CELF2: variants seen among roughly 807,000 people sequenced by gnomAD.
CELF2 encodes the protein CUG triplet repeat RNA-binding protein 2.
CELF2 carries 8 observed loss-of-function variants against 62.6 expected under a neutral mutation model. The ratio of observed to expected loss-of-function variants is 0.13; its 90% confidence interval spans 0.07 to 0.23. The LOEUF (loss-of-function observed/expected upper bound fraction) is 0.23, where lower values mean the gene tolerates loss of function less well. Among genes scored for constraint, CELF2 ranks in the 10% least tolerant of loss-of-function variants. The pLI is 1.00. For synonymous variants in CELF2, 258 were observed against 250.0 expected (o/e 1.03, Z -0.30); for missense variants, 333 against 671.0 (o/e 0.50, Z 5.56).
rs1490074472 is a variant in CELF2 at position 10,947,174 on chromosome 10, A to T, written c.89+27175A>T. On this transcript the variant is annotated intron_variant, in intron 2 of 13. Transcript: ENST00000636488. This position sits in a 1 kb window ranked among gnomAD's most constrained non-coding sequence, Gnocchi z 4.1. ...GAAACCTTCCAATCGTTAGAAGTGC[A>T]CAGGCTCGCTTTCAAACACAAAAGC... The T allele has an allele frequency of 6.6e-6, 1 of 152,274 alleles. No individual in the cohort carries two copies. The highest frequency in any genetic ancestry group is 2.4e-5 in the African/African-American group (1 of 41,464). 9.4% of individuals were successfully genotyped at this position (152,274 alleles called of 1,614,324 possible). A position where few individuals can be genotyped will look rare whatever the true frequency, so the allele number is the denominator to read the frequency against.
the CELF2 span, among the ~76,000 whole-genome samples, chr10:10,595,568 C>A: frequency 6.6e-6 from 1 of 152,124 alleles, no homozygotes; most frequent in Non-Finnish European, 1.5e-5. Flanking sequence ...TGTGCCATGT[C>A]GGTTTACTAC....
the CELF2 span, among the ~76,000 whole-genome samples, chr10:10,592,505 T>G: frequency 3.9e-5 from 6 of 152,176 alleles, no homozygotes; most frequent in Non-Finnish European, 5.9e-5. Context: ...CCCAAAATGT[T>G]AAAGTCTCTG....
chr10:10,781,685 C>A, the CELF2 span, among the ~76,000 whole-genome samples: 3 of 152,194 alleles, frequency 2.0e-5, no homozygotes, highest in Non-Finnish European at 2.9e-5. Flanking sequence ...GGTGGGGACA[C>A]AACCAAATCA....
the CELF2 span, among the ~76,000 whole-genome samples, chr10:10,705,197 A>G: frequency 6.6e-6 from 1 of 152,162 alleles, no homozygotes; most frequent in Non-Finnish European, 1.5e-5. Flanking sequence ...AAAAGAAAAA[A>G]TAAGGAATTT....
intron 1 of CELF2, among the ~76,000 whole-genome samples, chr10:11,142,383 A>G (rs567367039): frequency 5.9e-5 from 9 of 151,820 alleles, no homozygotes; most frequent in African/African-American, 2.2e-4. Flanking sequence ...GTGACGATTA[A>G]AAGTGGATGG....
At chr10:10,910,882 A>ACATTTG (rs2063756417) in intron 1 of CELF2, among the ~76,000 whole-genome samples, 1 of 152,146 alleles carries the variant, frequency 6.6e-6, no homozygotes, top group African/African-American at 2.4e-5. Flanking sequence ...AGAGCTGGTT[A>ACATTTG]CATTTGCGAC....
At chr10:10,748,187 C>T in the CELF2 span, among the ~76,000 whole-genome samples, 1 of 151,888 alleles carries the variant, frequency 6.6e-6, no homozygotes, top group Non-Finnish European at 1.5e-5. Flanking sequence ...CTATAATTAA[C>T]AACGTGTTGT....
rs890497967 is a variant in CELF2, at chr10:11,302,563, C to T, written c.977-11576C>T. Among the ~76,000 whole-genome samples the T allele has an allele frequency of 9.2e-5, 14 of 152,176 alleles. No homozygotes were observed. The highest frequency in any genetic ancestry group is 1.6e-4 in the Non-Finnish European group (11 of 68,026). On this transcript the variant is annotated intron_variant, in intron 9 of 12. Transcript: ENST00000633077. The surrounding 1 kb of genome is among the most constrained non-coding windows in gnomAD (Gnocchi z 5.0). ...CTGACCAAATGGCCTGCAGAGCATC[C>T]GCAGCCCAGGGCCCTGGGCCAAAGG...
In CELF2 at chr10:10,972,287, G is replaced by A. The variant is rs906906551; in HGVS notation, c.89+52288G>A. Among the ~76,000 whole-genome samples the A allele has an allele frequency of 3.3e-5, 5 of 152,152 alleles. No homozygotes were observed. Among genetic ancestry groups the A allele is most frequent in the African/African-American group, 9.7e-5 (4 of 41,420 alleles). ...AAAATGAAGAGTTCTGTGGTTAAAT[G>A]ATTTTAGGAAGCTCTACATATCATC... On this transcript the variant is annotated intron_variant, in intron 2 of 13. Transcript: ENST00000636488. The surrounding 1 kb of genome is among the most constrained non-coding windows in gnomAD (Gnocchi z 4.4).
intron 2 of CELF2, among the ~76,000 whole-genome samples, chr10:10,961,990 G>A (rs959109065): frequency 6.6e-6 from 1 of 151,978 alleles, no homozygotes; most frequent in Non-Finnish European, 1.5e-5. Context: ...TACTTTGGGA[G>A]GCCAAGGCAG....
chr10:10,879,271 C>G (rs2061300077), intron 1 of CELF2, among the ~76,000 whole-genome samples: 1 of 152,192 alleles, frequency 6.6e-6, no homozygotes, highest in Admixed American at 6.5e-5. Flanking sequence ...CCTGGCTGCT[C>G]CTGTGTCTCC....
At position 11,260,225 on chromosome 10, in the gene CELF2, G is replaced by A. The variant is rs1302123032; in HGVS notation, c.538+2353G>A. On this transcript the variant is annotated intron_variant, in intron 5 of 12. Transcript: ENST00000633077. The surrounding 1 kb of genome is among the most constrained non-coding windows in gnomAD (Gnocchi z 4.2). Reference sequence around the variant, plus strand: ...CGGCTGGTGTGCTAGCTTTTCGTCTGAGCATACCCTCTGCATGTGTTAGCG... The same window carrying A: ...CGGCTGGTGTGCTAGCTTTTCGTCTAAGCATACCCTCTGCATGTGTTAGCG... 6.6e-6 allele frequency among the ~76,000 whole-genome samples: 1 copy of A among 152,170 alleles called. No individual in the cohort carries two copies. The highest frequency in any genetic ancestry group is 1.5e-5 in the Non-Finnish European group (1 of 68,034).
rs539062408 is a variant in CELF2, at chr10:10,902,100, A to T, written c.54-17864A>T. 3.9e-3 allele frequency among the ~76,000 whole-genome samples: 589 copies of T among 152,332 alleles called. 2 individuals carry two copies. The highest frequency in any genetic ancestry group is 0.014 in the African/African-American group (564 of 41,580). On this transcript the variant is annotated intron_variant, in intron 1 of 13. Coordinates refer to the CELF2 transcript ENST00000636488. ...TCACGGTGAGAGGGGAAGTACTAGA[A>T]TTCTCATATACTCTCAGACACTGCT... is the stretch of plus-strand genomic sequence containing the variant.
chr10:10,605,307 G>T, the CELF2 span, among the ~76,000 whole-genome samples: 1 of 151,930 alleles, frequency 6.6e-6, no homozygotes, highest in Non-Finnish European at 1.5e-5. Flanking sequence ...ATTAGGGAAA[G>T]GACCTAATGG....
intron 1 of CELF2, among the ~76,000 whole-genome samples, chr10:10,895,659 G>T (rs1037689394): frequency 6.6e-6 from 1 of 152,122 alleles, no homozygotes; most frequent in African/African-American, 2.4e-5. Flanking sequence ...CAGGATATCT[G>T]CTTCTGACCC....
the CELF2 span, among the ~76,000 whole-genome samples, chr10:10,538,679 T>G: frequency 1.3e-5 from 2 of 151,920 alleles, no homozygotes; most frequent in African/African-American, 4.8e-5. Flanking sequence ...TGGGTAGCAG[T>G]TTGGTATTGA....
At chr10:10,751,407 C>T in the CELF2 span, among the ~76,000 whole-genome samples, 1 of 152,238 alleles carries the variant, frequency 6.6e-6, no homozygotes. Flanking sequence ...AATTCCAAGT[C>T]TGACAAAGAA....
At chr10:10,555,809 T>C in the CELF2 span, among the ~76,000 whole-genome samples, 2 of 152,170 alleles carry the variant, frequency 1.3e-5, no homozygotes, top group Non-Finnish European at 2.9e-5. Flanking sequence ...TGAAGTTCAG[T>C]AAACTACAAA....
the CELF2 span, among the ~76,000 whole-genome samples, chr10:10,615,672 G>T: frequency 6.6e-6 from 1 of 152,002 alleles, no homozygotes; most frequent in Non-Finnish European, 1.5e-5. Flanking sequence ...CACAAGATCT[G>T]GTTGTTTAAA....
Sources: allele counts gnomAD v4.1 joint callset (sites outside exome capture counted in the v4.1 genomes callset), GRCh38; gene constraint gnomAD v4.1.1; non-coding constraint Gnocchi (gnomAD v3.1); transcripts MANE v1.5; gene names NCBI Gene and HGNC (gene_info 2026-07-23, HGNC 2026-07-21).